Variants in PUDP observed in about 807,000 individuals in gnomAD.
PUDP encodes pseudouridine-5'-phosphatase.
Under a neutral mutation model 9.4 loss-of-function variants are expected in PUDP, and 8 were observed. That is an observed-to-expected ratio of 0.85 (90% CI 0.50 to 1.53). PUDP has a LOEUF of 1.53. PUDP is among the 40% of genes most tolerant of loss of function. The pLI is 0.00. For missense variants in PUDP, 188 were observed against 189.7 expected, an observed-to-expected ratio of 0.99 and a Z score of 0.05; for synonymous variants, 99 against 80.7, an observed-to-expected ratio of 1.23 and a Z score of -1.22.
At chrX:6,902,829 G>A (rs1432553798) in intron 3 of PUDP, among the ~76,000 whole-genome samples, 1 of 111,730 alleles carries the variant, frequency 9.0e-6, no homozygotes, top group Non-Finnish European at 1.9e-5. Context: ...AGTTACAAAA[G>A]CTTGCCATGT....
chrX:6,990,954 T>C (rs1929168250), intron 1 of PUDP, among the ~76,000 whole-genome samples: 1 of 112,188 alleles, frequency 8.9e-6, no homozygotes, highest in African/African-American at 3.2e-5. Context: ...CTGGCGGGTG[T>C]TTTGCCTCTC....
chrX:6,802,798 T>C (rs961361878), intron 3 of PUDP, among the ~76,000 whole-genome samples: 9 of 108,487 alleles, frequency 8.3e-5, no homozygotes, highest in Non-Finnish European at 3.8e-5. Context: ...GGTGGCAGAA[T>C]CACTTGAACC....
intron 1 of PUDP, among the ~76,000 whole-genome samples, chrX:7,136,511 C>A (rs778028729): frequency 8.9e-6 from 1 of 112,510 alleles, no homozygotes; most frequent in East Asian, 2.8e-4. Context: ...GGTGACCTGG[C>A]TAATTCTCCC....
At chrX:6,711,878 T>C (rs948146495) in intron 1 of PUDP, among the ~76,000 whole-genome samples, 9 of 112,411 alleles carry the variant, frequency 8.0e-5, no homozygotes, top group Non-Finnish European at 1.3e-4. Flanking sequence ...TCACAGGGCC[T>C]GGGTGCCTCA....
At chrX:6,823,943 G>A (rs1602635097) in intron 3 of PUDP, among the ~76,000 whole-genome samples, 5 of 112,521 alleles carry the variant, frequency 4.4e-5, no homozygotes, top group African/African-American at 3.2e-5. Context: ...GAGGAGGACC[G>A]GAGGTCACTC....
intron 3 of PUDP, among the ~76,000 whole-genome samples, chrX:6,788,420 GGGCT>G (rs1279580037): frequency 8.9e-6 from 1 of 111,851 alleles, no homozygotes; most frequent in African/African-American, 3.3e-5. Flanking sequence ...AGTTGAGAAG[GGGCT>G]GGCTGTAGTG....
At chrX:7,039,434 G>A (rs1929893427) in intron 1 of PUDP, among the ~76,000 whole-genome samples, 1 of 112,157 alleles carries the variant, frequency 8.9e-6, no homozygotes, top group Admixed American at 9.4e-5. Context: ...GAATGTGATT[G>A]TATTTGGAGA....
At chrX:7,072,557 T>C (rs1930768610) in intron 3 of PUDP, among the ~76,000 whole-genome samples, 1 of 111,728 alleles carries the variant, frequency 9.0e-6, no homozygotes, top group Middle Eastern at 4.6e-3. Flanking sequence ...CTCACTCCTG[T>C]AATCCCAGCA....
chrX:6,947,775 A>AAAATAAATAAAT (rs200121266), intron 3 of PUDP, among the ~76,000 whole-genome samples: 3 of 96,887 alleles, frequency 3.1e-5, no homozygotes, highest in African/African-American at 1.1e-4. Flanking sequence ...CCCTGTCTCA[A>AAAATAAATAAAT]AAATAAATAA....
intron 3 of PUDP, among the ~76,000 whole-genome samples, chrX:6,895,555 C>A (rs1396328650): frequency 9.1e-6 from 1 of 109,709 alleles, no homozygotes; most frequent in Non-Finnish European, 1.9e-5. Context: ...AATCACCTAC[C>A]ACCTTGATAT....
intron 3 of PUDP, among the ~76,000 whole-genome samples, chrX:6,866,963 G>A (rs988243205): frequency 2.7e-5 from 3 of 111,421 alleles, no homozygotes; most frequent in African/African-American, 9.8e-5. Flanking sequence ...CCAGAGGGTA[G>A]GCGTAGGGTC....
intron 3 of PUDP, among the ~76,000 whole-genome samples, chrX:6,824,896 C>A (rs1390921862): frequency 1.8e-5 from 2 of 111,909 alleles, no homozygotes; most frequent in Non-Finnish European, 3.8e-5. Context: ...AAGCAACTCT[C>A]CTATAACTTC....
chrX:6,980,740 G>A (rs1602700252), intron 1 of PUDP, among the ~76,000 whole-genome samples: 1 of 110,414 alleles, frequency 9.1e-6, no homozygotes, highest in East Asian at 2.8e-4. Flanking sequence ...TCATTATTCT[G>A]TAAACAAGAG....
intron 3 of PUDP, among the ~76,000 whole-genome samples, chrX:6,801,178 G>T (rs1191310720): frequency 8.9e-6 from 1 of 112,240 alleles, no homozygotes; most frequent in Non-Finnish European, 1.9e-5. Flanking sequence ...GATATTGAAA[G>T]CCCACATAAT....
At chrX:6,967,048 T>A (rs964345091) in intron 3 of PUDP, among the ~76,000 whole-genome samples, 2 of 111,105 alleles carry the variant, frequency 1.8e-5, no homozygotes, top group African/African-American at 6.5e-5. Context: ...AGGGAGGGTA[T>A]GTAGGGGGCC....
chrX:6,993,414 A>G (rs1185222385), intron 1 of PUDP, among the ~76,000 whole-genome samples: 1 of 112,159 alleles, frequency 8.9e-6, no homozygotes, highest in Non-Finnish European at 1.9e-5. Context: ...GAAGCAAATT[A>G]TAACCAAGGC....
intron 3 of PUDP, among the ~76,000 whole-genome samples, chrX:6,884,540 T>C (rs1238904108): frequency 8.9e-6 from 1 of 112,020 alleles, no homozygotes; most frequent in Admixed American, 9.5e-5. Context: ...ATTTGAGTGA[T>C]ACAAGAAAGC....
chrX:6,789,289 CTAAATAAATAAA>C (rs63378260), intron 3 of PUDP, among the ~76,000 whole-genome samples: 73 of 95,189 alleles, frequency 7.7e-4, no homozygotes, highest in African/African-American at 2.0e-3. Flanking sequence ...GACTCTGTCT[CTAAATAAATAAA>C]TAAATAAATA....
At chrX:7,003,026 C>T (rs906420366) in intron 1 of PUDP, among the ~76,000 whole-genome samples, 2 of 111,101 alleles carry the variant, frequency 1.8e-5, no homozygotes, top group African/African-American at 6.6e-5. Context: ...ACTGAAAATA[C>T]GTAGAAGACG....
Sources: gnomAD v4.1 joint callset for allele counts (sites outside exome capture counted in the v4.1 genomes callset) on GRCh38, gnomAD v4.1.1 for gene constraint, MANE v1.5 for transcripts, NCBI Gene and HGNC (gene_info 2026-07-23, HGNC 2026-07-21) for gene names.